Variants in KITLG observed in about 807,000 individuals in gnomAD.
KITLG encodes the protein c-Kit ligand.
A neutral mutation model predicts 34.1 loss-of-function variants in KITLG; 13 were observed. The ratio of observed to expected loss-of-function variants is 0.38; its 90% CI spans 0.25 to 0.61. The LOEUF is 0.61. KITLG is among the 20% of genes least tolerant of loss of function. KITLG has a pLI of 0.60. For missense variants in KITLG, 292 were observed against 318.9 expected, an observed-to-expected ratio of 0.92 and a Z score of 0.64; for synonymous variants, 110 against 104.0, an observed-to-expected ratio of 1.06 and a Z score of -0.35.
intron 1 of KITLG, among the ~76,000 whole-genome samples, chr12:88,571,970 G>T (rs963792641): frequency 1.3e-5 from 2 of 152,074 alleles, no homozygotes; most frequent in Non-Finnish European, 2.9e-5. Flanking sequence ...ACCTCTCAGC[G>T]GAAAAGTGCT....
intron 3 of KITLG, among the ~76,000 whole-genome samples, chr12:88,525,459 TA>T (rs1869831031): frequency 6.6e-6 from 1 of 152,168 alleles, no homozygotes; most frequent in South Asian, 2.1e-4. Context: ...TTGGATTGTC[TA>T]AAGAATGGTG....
chr12:88,539,880 G>A lies in KITLG; in HGVS notation c.129+5872C>T, dbSNP rs1870460252. Among the ~76,000 whole-genome samples, 4 of 151,942 alleles carry A rather than the reference G, an allele frequency of 2.6e-5. No homozygotes were observed. In the South Asian group the frequency reaches 8.3e-4, roughly 32 times the overall value. On this transcript the variant is annotated intron_variant, in intron 2 of 9. Transcript: ENST00000644744. Reference sequence around the variant, plus strand: ...TTTGAGGCTCCAGTGAGCCATGATTGCACCACTGTACCCCAGACTGGGTGA... The same window carrying A: ...TTTGAGGCTCCAGTGAGCCATGATTACACCACTGTACCCCAGACTGGGTGA...
chr12:88,498,478 G>C (rs186312021), intron 9 of KITLG, among the ~76,000 whole-genome samples: 1 of 152,104 alleles, frequency 6.6e-6, no homozygotes, highest in Admixed American at 6.5e-5. Context: ...ATATATAGAA[G>C]ATATTTTAAA....
intron 1 of KITLG, among the ~76,000 whole-genome samples, chr12:88,553,314 G>T (rs540513507): frequency 6.6e-6 from 1 of 152,128 alleles, no homozygotes; most frequent in Non-Finnish European, 1.5e-5. Context: ...AGGGAATAGG[G>T]TGCCTAAATA....
intron 9 of KITLG, among the ~76,000 whole-genome samples, chr12:88,500,233 A>C (rs1868797827): frequency 6.6e-6 from 1 of 152,228 alleles, no homozygotes; most frequent in South Asian, 2.1e-4. Context: ...TACAAAGTGA[A>C]GCTTTTCTCC....
At chr12:88,559,182 C>T (rs1871209617) in intron 1 of KITLG, among the ~76,000 whole-genome samples, 1 of 152,224 alleles carries the variant, frequency 6.6e-6, no homozygotes, top group Non-Finnish European at 1.5e-5. Flanking sequence ...TCTAAACTAT[C>T]ATGGCTGGAA....
At chr12:88,551,110 C>G (rs1870900407) in intron 1 of KITLG, among the ~76,000 whole-genome samples, 1 of 152,048 alleles carries the variant, frequency 6.6e-6, no homozygotes, top group African/African-American at 2.4e-5. Flanking sequence ...TTTCTTAAAG[C>G]CCTTTATTTT....
Position 88,497,187 on chromosome 12 carries a change from A to C in KITLG, c.*38-6T>G. 1 of 440,574 alleles carries C rather than the reference A, an allele frequency of 2.3e-6. No homozygotes were observed. The highest frequency in any genetic ancestry group is 1.6e-5 in the South Asian group (1 of 61,080). 27.3% of individuals were successfully genotyped at this position (440,574 alleles called of 1,614,324 possible). On this transcript the variant is annotated splice_polypyrimidine_tract_variant and splice_region_variant and intron_variant, in intron 9 of 9. Transcript: ENST00000644744. The stretch of plus-strand genomic sequence containing the variant: ...AAACATGAACTGTTACCAGCCTAGA[A>C]AGGAAGGAAGAAAAGAGAGATTATG...
chr12:88,507,034 G>A lies in KITLG; in HGVS notation c.708C>T (p.Tyr236=), dbSNP rs200147285. ...LIIGFAFGAL[Y]WKKRQPSLTR... ...AAGGAATGGTACCACTTACCTTCCA[G>A]TATAAGGCTCCAAAAGCAAAGCCAA... Residue 236 remains tyrosine (Y), a synonymous_variant, in exon 7 of 10, where the codon TAC becomes TAT. Transcript: ENST00000644744. 9.6e-6 allele frequency: 15 copies of A among 1,557,368 alleles called. No homozygotes were observed. Among genetic ancestry groups the A allele is most frequent in the Middle Eastern group, 3.4e-4 (2 of 5,952 alleles).
intron 3 of KITLG, among the ~76,000 whole-genome samples, chr12:88,530,795 A>T (rs1870055391): frequency 6.6e-6 from 1 of 152,204 alleles, no homozygotes. Context: ...AACTTTAGGT[A>T]GTTCATGCTA....
At chr12:88,554,113 G>A (rs554987214) in intron 1 of KITLG, among the ~76,000 whole-genome samples, 2 of 152,142 alleles carry the variant, frequency 1.3e-5, no homozygotes, top group Admixed American at 6.5e-5. Flanking sequence ...ACAAACCATG[G>A]ACTTAATCTG....
At chr12:88,552,145 T>G (rs199648488) in intron 1 of KITLG, among the ~76,000 whole-genome samples, 2 of 152,078 alleles carry the variant, frequency 1.3e-5, no homozygotes, top group East Asian at 3.9e-4. Flanking sequence ...GTGAGCCTTA[T>G]TTTGAACATT....
chr12:88,542,231 T>C (rs1395428981), intron 2 of KITLG, among the ~76,000 whole-genome samples: 1 of 152,138 alleles, frequency 6.6e-6, no homozygotes, highest in African/African-American at 2.4e-5. Flanking sequence ...CTTAGATTTC[T>C]CTGAGAAATG....
chr12:88,521,806 C>A (rs180761634), intron 3 of KITLG, among the ~76,000 whole-genome samples: 211 of 152,228 alleles, frequency 1.4e-3, no homozygotes, highest in African/African-American at 4.7e-3. Context: ...CAATTTCTTA[C>A]CTTCTTTCTT....
At chr12:88,503,056 AG>A (rs1868924959) in intron 9 of KITLG, among the ~76,000 whole-genome samples, 1 of 152,194 alleles carries the variant, frequency 6.6e-6, no homozygotes, top group Non-Finnish European at 1.5e-5. Context: ...ATTATTTGAC[AG>A]GAAGAATGAG....
intron 4 of KITLG, among the ~76,000 whole-genome samples, chr12:88,518,471 T>A (rs912120880): frequency 6.6e-6 from 1 of 152,198 alleles, no homozygotes; most frequent in Non-Finnish European, 1.5e-5. Flanking sequence ...AAATAAGTTT[T>A]ATTTTTGTAT....
intron 3 of KITLG, among the ~76,000 whole-genome samples, chr12:88,524,272 A>G (rs1869785053): frequency 6.6e-6 from 1 of 152,210 alleles, no homozygotes; most frequent in Non-Finnish European, 1.5e-5. Flanking sequence ...AATTTCTTTA[A>G]ATTGAAAAGT....
chr12:88,510,280 G>A (rs1185596240), intron 6 of KITLG, among the ~76,000 whole-genome samples: 2 of 152,122 alleles, frequency 1.3e-5, no homozygotes, highest in African/African-American at 4.8e-5. Context: ...ATTCTTCCTT[G>A]ATTCAGATCC....
chr12:88,530,037 A>T (rs1455717053), intron 3 of KITLG, among the ~76,000 whole-genome samples: 1 of 152,166 alleles, frequency 6.6e-6, no homozygotes, highest in Non-Finnish European at 1.5e-5. Flanking sequence ...GAAATCTATG[A>T]TTTAGCATAT....
Sources: allele counts gnomAD v4.1 joint callset (sites outside exome capture counted in the v4.1 genomes callset), GRCh38; gene constraint gnomAD v4.1.1; transcripts MANE v1.5; gene names NCBI Gene and HGNC (gene_info 2026-07-23, HGNC 2026-07-21).